The following SS18 variants were observed in gnomAD, a reference collection of about 807,000 sequenced individuals.
The protein encoded by SS18 is protein SSXT.
A neutral mutation model predicts 72.5 loss-of-function variants in SS18; 28 were observed. The observed-to-expected ratio is 0.39, with a 90% confidence interval of 0.29 to 0.53. The LOEUF is 0.53. Among genes scored for constraint, SS18 ranks in the 20% least tolerant of loss-of-function variants. SS18 has a pLI of 0.76. For synonymous variants in SS18, 172 were observed against 164.2 expected (o/e 1.05, Z -0.37); for missense variants, 518 against 535.3 (o/e 0.97, Z 0.32).
At chr18:26,032,955 A>G (rs2053568330) in intron 9 of SS18, among the ~76,000 whole-genome samples, 1 of 152,210 alleles carries the variant, frequency 6.6e-6, no homozygotes, top group Non-Finnish European at 1.5e-5. Flanking sequence ...GGAATAAACG[A>G]TATTTACAAC....
chr18:26,071,426 T>C (rs142290566), intron 3 of SS18, among the ~76,000 whole-genome samples: 22 of 152,338 alleles, frequency 1.4e-4, no homozygotes, highest in African/African-American at 4.6e-4. Context: ...AACAATTACA[T>C]TGATATCTGA....
chr18:26,065,471 C>T (rs2054195639), intron 3 of SS18, among the ~76,000 whole-genome samples: 1 of 152,006 alleles, frequency 6.6e-6, no homozygotes, highest in African/African-American at 2.4e-5. Context: ...GATCAACTAA[C>T]TATCACATGG....
chr18:26,084,301 C>A (rs2054579867), intron 2 of SS18: 1 of 152,146 alleles, frequency 6.6e-6, no homozygotes, highest in Non-Finnish European at 1.5e-5. Flanking sequence ...GAACAAATTT[C>A]TTCCTCACAG....
intron 9 of SS18, among the ~76,000 whole-genome samples, chr18:26,032,975 C>A (rs1041712866): frequency 2.6e-5 from 4 of 152,064 alleles, no homozygotes; most frequent in African/African-American, 9.7e-5. Context: ...CTGTATGACT[C>A]TAGATTTATA....
chr18:26,076,091 C>T (rs72878238), intron 3 of SS18, among the ~76,000 whole-genome samples: 7,051 of 151,780 alleles, frequency 0.046, 231 homozygotes, highest in Middle Eastern at 0.082. Context: ...AAAATATATG[C>T]AATGCTCACG....
chr18:26,059,873 A>ACATAAAAATTAAAAGTC (rs1289926451), intron 3 of SS18, among the ~76,000 whole-genome samples: 51 of 152,370 alleles, frequency 3.3e-4, no homozygotes, highest in African/African-American at 1.2e-3. Context: ...AGCTGCAATA[A>ACATAAAAATTAAAAGTC]CATAAAAATT....
At chr18:26,021,596 T>G (rs778756775) in intron 10 of SS18, among the ~76,000 whole-genome samples, 1 of 152,184 alleles carries the variant, frequency 6.6e-6, no homozygotes, top group South Asian at 2.1e-4. Flanking sequence ...GTATGGAAGA[T>G]CCTACTGCGA....
At position 26,035,142 on chromosome 18, in the gene SS18, G is replaced by A; in HGVS notation, c.974-15C>T. 1.2e-6 allele frequency: 2 copies of A among 1,609,326 alleles called. No homozygotes were observed. Among genetic ancestry groups the A allele is most frequent in the African/African-American group, 1.3e-5 (1 of 74,726 alleles). On this transcript the variant is annotated splice_polypyrimidine_tract_variant and intron_variant, in intron 8 of 10. Transcript: ENST00000415083. This position sits in a 1 kb window ranked among gnomAD's most constrained non-coding sequence, Gnocchi z 4.4. ...CTGTGAATTTCCTACAGGATAATTG[G>A]AGAAGAGGAAAAAAAACTGAGAAGT... is the stretch of plus-strand genomic sequence containing the variant.
chr18:26,055,439 C>A (rs2054000495), intron 4 of SS18, among the ~76,000 whole-genome samples: 1 of 151,868 alleles, frequency 6.6e-6, no homozygotes, highest in Admixed American at 6.6e-5. Context: ...TGCACCCCAA[C>A]CTAGGCGACA....
chr18:26,077,269 T>C (rs2054433302), intron 3 of SS18, among the ~76,000 whole-genome samples: 1 of 151,962 alleles, frequency 6.6e-6, no homozygotes, highest in Non-Finnish European at 1.5e-5. Flanking sequence ...TTATGGGAAA[T>C]ACAAAGCACC....
intron 10 of SS18, among the ~76,000 whole-genome samples, chr18:26,030,196 C>CGTTGAA: frequency 6.6e-6 from 1 of 152,276 alleles, no homozygotes; most frequent in African/African-American, 2.4e-5. Context: ...CCTAAGCTAA[C>CGTTGAA]TCCAACACCT....
chr18:26,040,211 A>G (rs2053700208), intron 5 of SS18, among the ~76,000 whole-genome samples: 1 of 152,234 alleles, frequency 6.6e-6, no homozygotes, highest in African/African-American at 2.4e-5. Flanking sequence ...AAAGTGAGCA[A>G]TACTGGGGTA....
chr18:26,027,517 T>A (rs200013530), intron 10 of SS18, among the ~76,000 whole-genome samples: 3 of 150,362 alleles, frequency 2.0e-5, no homozygotes, highest in Non-Finnish European at 3.0e-5. Context: ...AAATAAATAA[T>A]TAAAATTAGC....
intron 3 of SS18, among the ~76,000 whole-genome samples, chr18:26,067,046 T>A (rs2054233331): frequency 6.6e-6 from 1 of 152,242 alleles, no homozygotes; most frequent in Non-Finnish European, 1.5e-5. Context: ...GAATCAATTA[T>A]TTTTCTTTAT....
intron 3 of SS18, among the ~76,000 whole-genome samples, chr18:26,063,499 A>T (rs986437059): frequency 6.6e-6 from 1 of 152,256 alleles, no homozygotes; most frequent in Middle Eastern, 3.2e-3. Context: ...CCTGGGCGAC[A>T]GAGCGAGACT....
chr18:26,032,890 A>G (rs2053567601), intron 9 of SS18, among the ~76,000 whole-genome samples: 1 of 152,208 alleles, frequency 6.6e-6, no homozygotes, highest in East Asian at 1.9e-4. Context: ...GGAAAAAGAG[A>G]AAGCAAGAGG....
At chr18:26,063,752 G>C (rs1241605101) in intron 3 of SS18, among the ~76,000 whole-genome samples, 1 of 151,944 alleles carries the variant, frequency 6.6e-6, no homozygotes, top group Non-Finnish European at 1.5e-5. Context: ...GCTAAAGATG[G>C]CAAATCAAAC....
upstream of SS18, chr18:26,091,098 C>A (rs759539853): frequency 6.5e-6 from 1 of 154,006 alleles, no homozygotes; most frequent in East Asian, 1.9e-4. Context: ...TTACTTACGC[C>A]TCCTGGCAAG....
At chr18:26,022,206 A>C (rs1224273722) in intron 10 of SS18, among the ~76,000 whole-genome samples, 1 of 152,180 alleles carries the variant, frequency 6.6e-6, no homozygotes, top group Non-Finnish European at 1.5e-5. Flanking sequence ...TCAGTTGTTT[A>C]TACTTTATTC....
Sources: allele counts gnomAD v4.1 joint callset (sites outside exome capture counted in the v4.1 genomes callset), GRCh38; gene constraint gnomAD v4.1.1; non-coding constraint Gnocchi (gnomAD v3.1); transcripts MANE v1.5; gene names NCBI Gene and HGNC (gene_info 2026-07-23, HGNC 2026-07-21).